Variants in IFIH1 observed in about 807,000 individuals in gnomAD.
IFIH1 encodes the protein interferon-induced helicase C domain-containing protein 1.
A neutral mutation model predicts 107.4 loss-of-function variants in IFIH1; 125 were observed. The ratio of observed to expected loss-of-function variants is 1.16; its 90% CI spans 1.01 to 1.35. The LOEUF is 1.35. IFIH1 is among the 40% of genes most tolerant of loss of function. IFIH1 has a pLI of 0.00. For synonymous variants in IFIH1, 458 were observed against 413.2 expected (o/e 1.11, Z -1.31); for missense variants, 1,333 against 1,213.7 (o/e 1.10, Z -1.46).
chr2:162,295,489 C>A (rs1558871740), intron 3 of IFIH1, among the ~76,000 whole-genome samples: 1 of 151,756 alleles, frequency 6.6e-6, no homozygotes, highest in South Asian at 2.1e-4. Context: ...AGAATTACAG[C>A]CAATGCCAAT....
chr2:162,288,931 ACACACAC>A (rs1338522480), intron 4 of IFIH1, among the ~76,000 whole-genome samples: 1 of 151,074 alleles, frequency 6.6e-6, no homozygotes, highest in African/African-American at 2.4e-5. Flanking sequence ...ACACACACAC[ACACACAC>A]ACACACACAC....
chr2:162,273,554 T>C (rs1173131323), intron 12 of IFIH1, among the ~76,000 whole-genome samples: 2 of 152,238 alleles, frequency 1.3e-5, no homozygotes, highest in African/African-American at 4.8e-5. Context: ...AGCCTTAGGG[T>C]ACAGAAATAG....
chr2:162,287,656 T>G (rs1035306767), intron 5 of IFIH1, among the ~76,000 whole-genome samples: 3 of 151,944 alleles, frequency 2.0e-5, no homozygotes, highest in African/African-American at 7.2e-5. Flanking sequence ...CAAACCACAT[T>G]ATATGTATTC....
Position 162,277,569 on chromosome 2 carries a change from A to G in IFIH1, c.1890T>C (p.Tyr630=). The G allele has an allele frequency of 6.2e-7, 1 of 1,610,006 alleles. No individual in the cohort carries two copies. The highest frequency in any genetic ancestry group is 1.1e-5 in the South Asian group (1 of 91,000). ...CAAACTTCTTATCTTTCTCTTCATTATAGAAAGTTTCAAGATGAGTATACG... is the reference window on the plus strand; with the variant it reads ...CAAACTTCTTATCTTTCTCTTCATTGTAGAAAGTTTCAAGATGAGTATACG... ...IDAYTHLETF[Y]NEEKDKKFAV... Residue 630 remains tyrosine, a synonymous_variant, in exon 10 of 16, where the codon TAT becomes TAC. Coordinates refer to ENST00000649979, the MANE Select transcript of IFIH1 (RefSeq NM_022168.4).
chr2:162,268,572 C>T lies in IFIH1; in HGVS notation c.2617-295G>A, dbSNP rs563933642. Among the ~76,000 whole-genome samples the T allele has an allele frequency of 1.7e-3, 265 of 152,146 alleles. 1 individual carries two copies. Among genetic ancestry groups the T allele is most frequent in the African/African-American group, 6.0e-3 (247 of 41,512 alleles). On this transcript the variant is annotated intron_variant, in intron 13 of 15. Transcript: ENST00000649979. ...ATTCAACAAAAATTCTCTGTCTAGC[C>T]TACCCATTTGTTATTTATTTATTTA...
chr2:162,299,585 A>G lies in IFIH1; in HGVS notation c.770-5917T>C, dbSNP rs182878143. Among the ~76,000 whole-genome samples, 12 of 152,202 alleles carry G rather than the reference A, an allele frequency of 7.9e-5. No homozygotes were observed. In the East Asian group the frequency reaches 2.3e-3, roughly 29 times the overall value. On this transcript the variant is annotated intron_variant, in intron 3 of 15. Transcript: ENST00000649979. ...GAGATGTGCACACTGGGGTCTTACAAGCCAGTAAGATCCAGTTCCAGCGCT... is the reference window on the plus strand; with the variant it reads ...GAGATGTGCACACTGGGGTCTTACAGGCCAGTAAGATCCAGTTCCAGCGCT...
chr2:162,316,099 A>G (rs1465475042), intron 1 of IFIH1, among the ~76,000 whole-genome samples: 1 of 152,232 alleles, frequency 6.6e-6, no homozygotes, highest in Non-Finnish European at 1.5e-5. Context: ...GAACTTGGAT[A>G]AAATCTAGCT....
At chr2:162,284,747 T>C (rs754018039) in intron 5 of IFIH1, among the ~76,000 whole-genome samples, 5 of 152,000 alleles carry the variant, frequency 3.3e-5, no homozygotes, top group Non-Finnish European at 7.4e-5. Context: ...CAATAAAATA[T>C]TAATTATCAT....
intron 11 of IFIH1, among the ~76,000 whole-genome samples, chr2:162,274,958 G>T (rs1382943130): frequency 2.0e-5 from 3 of 152,154 alleles, no homozygotes; most frequent in Non-Finnish European, 4.4e-5. Context: ...CTGTAGAAAG[G>T]CCTCTCTTGA....
At chr2:162,287,284 CT>C (rs967192240) in intron 5 of IFIH1, among the ~76,000 whole-genome samples, 10 of 151,358 alleles carry the variant, frequency 6.6e-5, no homozygotes, top group East Asian at 1.9e-4. Flanking sequence ...CAGTCTACTG[CT>C]TTTTTTTATA....
intron 4 of IFIH1, 93 bp from the exon 5 acceptor site, chr2:162,288,448 A>G (rs1682935108): frequency 1.2e-6 from 1 of 833,434 alleles, no homozygotes; most frequent in Non-Finnish European, 1.9e-6. Flanking sequence ...TTGTGCTTTA[A>G]ACTCCTTTTC....
At chr2:162,299,712 T>C (rs1683158284) in intron 3 of IFIH1, among the ~76,000 whole-genome samples, 1 of 152,174 alleles carries the variant, frequency 6.6e-6, no homozygotes, top group African/African-American at 2.4e-5. Flanking sequence ...ATTATCCAAA[T>C]GATAAATGGT....
In IFIH1 at chr2:162,272,252, T is replaced by C; in HGVS notation, c.2590A>G (p.Met864Val). 6.2e-7 allele frequency: 1 copy of C among 1,612,460 alleles called. No homozygotes were observed. The highest frequency in any genetic ancestry group is 8.5e-7 in the Non-Finnish European group (1 of 1,179,116). Residue 864 changes from methionine to valine, a missense_variant, in exon 13 of 16, where the codon ATG (methionine) becomes GTG (valine). Physicochemically the swap from Met to Val is conservative, Grantham distance 21 (BLOSUM62 1). Transcript: ENST00000649979. The part of the protein sequence containing the change: ...MYKAIHCVQN[M>V]KPEEYAHKIL... Reference sequence around the variant, plus strand: ...TTATGAGCATACTCCTCTGGTTTCATATTTTGAACACAATGTATAGCTTTA... The same window carrying C: ...TTATGAGCATACTCCTCTGGTTTCACATTTTGAACACAATGTATAGCTTTA...
chr2:162,301,569 A>G (rs1558873505), intron 3 of IFIH1, among the ~76,000 whole-genome samples: 2 of 152,304 alleles, frequency 1.3e-5, no homozygotes, highest in East Asian at 3.9e-4. Context: ...TTAATTCCTA[A>G]AATAGTATAA....
At chr2:162,308,199 G>C (rs1220521954) in intron 2 of IFIH1, among the ~76,000 whole-genome samples, 1 of 152,122 alleles carries the variant, frequency 6.6e-6, no homozygotes, top group Non-Finnish European at 1.5e-5. Context: ...AGATCAAGGT[G>C]ACAGCAGGGT....
intron 8 of IFIH1, 93 bp from the exon 9 acceptor site, chr2:162,278,421 C>G (rs1375271017): frequency 7.3e-6 from 5 of 689,118 alleles, no homozygotes; most frequent in African/African-American, 3.7e-5. Flanking sequence ...TATAATAAAT[C>G]TGATTCATCT....
In IFIH1 at chr2:162,278,205, CT is replaced by C. The variant is rs553669430; in HGVS notation, c.1764del (p.Ala589LeufsTer16). On this transcript the variant is annotated frameshift_variant and splice_region_variant, in exon 9 of 16. Transcript: ENST00000649979. LOFTEE classifies it high-confidence loss of function. ...YEQWAIQMEK[K>X]AAKEGNRKER... ...AGTGTTAGGTCCAAACCTAAATTACCTTTTTTTTCCATTTGAATGGCCCATT... is the reference window on the plus strand; with the variant it reads ...AGTGTTAGGTCCAAACCTAAATTACCTTTTTTTCCATTTGAATGGCCCATT... 28 of 1,599,554 alleles carry C rather than the reference CT, an allele frequency of 1.8e-5. No individual in the cohort carries two copies. Among genetic ancestry groups the C allele is most frequent in the Admixed American group, 3.5e-5 (2 of 56,860 alleles).
In IFIH1 at chr2:162,277,675, C is replaced by T. The variant is rs74162084; in HGVS notation, c.1784G>A (p.Arg595His). 1.2e-4 allele frequency: 194 copies of T among 1,602,284 alleles called. 1 individual carries two copies. The highest frequency in any genetic ancestry group is 2.0e-4 in the East Asian group (9 of 44,756). The change falls in exon 10 of 16, where the codon CGC becomes CAC. Residue 595 changes from arginine (R) to histidine (H), a missense_variant. Transcript: ENST00000649979. Reference sequence around the variant, plus strand: ...ATGTTCTGCACAAACACGTTCTTTGCGATTTCCTTCTTTTGCAGCTGTGAA... The same window carrying T: ...ATGTTCTGCACAAACACGTTCTTTGTGATTTCCTTCTTTTGCAGCTGTGAA... ...MEKKAAKEGN[R>H]KERVCAEHLR...
In IFIH1 at chr2:162,294,659, T is replaced by C. The variant is rs923088231; in HGVS notation, c.770-991A>G. On this transcript the variant is annotated intron_variant, in intron 3 of 15. Transcript: ENST00000649979. ...ACAACAAGCTCTTGGCACAGGACTT[T>C]AATTGCTGGCAATTAGAAAATGAAA... Among the ~76,000 whole-genome samples the C allele has an allele frequency of 3.9e-5, 6 of 152,058 alleles. No individual in the cohort carries two copies. The South Asian group carries it at 8.3e-4, about 21-fold the overall frequency.
Sources: allele counts gnomAD v4.1 joint callset (sites outside exome capture counted in the v4.1 genomes callset), GRCh38; gene constraint gnomAD v4.1.1; transcripts MANE v1.5; gene names NCBI Gene and HGNC (gene_info 2026-07-23, HGNC 2026-07-21).